FAM20C: variants seen among roughly 807,000 people sequenced by gnomAD.
FAM20C encodes the protein FAM20C golgi associated secretory pathway kinase.
FAM20C carries 40 observed loss-of-function variants against 51.5 expected under a neutral mutation model. The ratio of observed to expected loss-of-function variants is 0.78; its 90% confidence interval spans 0.60 to 1.01. The LOEUF (loss-of-function observed/expected upper bound fraction) is 1.01, where lower values mean the gene tolerates loss of function less well. Among genes scored for constraint, FAM20C ranks in the 50% least tolerant of loss-of-function variants. The pLI is 0.00. For synonymous variants in FAM20C, 406 were observed against 380.6 expected, an observed-to-expected ratio of 1.07 and a Z score of -0.78; for missense variants, 861 against 844.7, an observed-to-expected ratio of 1.02 and a Z score of -0.24.
At chr7:248,677 C>T (rs950607181) in intron 5 of FAM20C, among the ~76,000 whole-genome samples, 2 of 145,492 alleles carry the variant, frequency 1.4e-5, no homozygotes, top group Admixed American at 6.8e-5. Flanking sequence ...CCACATTCAC[C>T]TCTCCAGGTA....
intron 3 of FAM20C, among the ~76,000 whole-genome samples, chr7:214,443 G>A (rs1181482742): frequency 6.6e-6 from 1 of 152,216 alleles, no homozygotes; most frequent in East Asian, 1.9e-4. Flanking sequence ...TTATTCTCGT[G>A]CTTTTGGTGT....
intron 5 of FAM20C, among the ~76,000 whole-genome samples, chr7:251,937 C>T (rs539605873): frequency 1.6e-3 from 243 of 152,314 alleles, no homozygotes; most frequent in Middle Eastern, 3.4e-3. Flanking sequence ...CGCCCCTGAA[C>T]GCAGCCCCTG....
chr7:258,119 G>A (rs563128556), intron 8 of FAM20C, among the ~76,000 whole-genome samples: 4 of 144,820 alleles, frequency 2.8e-5, no homozygotes, highest in Admixed American at 6.8e-5. Context: ...GGGTGTTGGA[G>A]ATAGGCGGGG....
At chr7:228,960 G>T (rs1471217274) in intron 3 of FAM20C, 3 of 393,006 alleles carry the variant, frequency 7.6e-6, no homozygotes, top group Admixed American at 5.5e-5. Context: ...CATGGATGGG[G>T]ATCACAGCCA....
At chr7:230,380 G>GT (rs1562385472) in intron 3 of FAM20C, among the ~76,000 whole-genome samples, 4 of 110,516 alleles carry the variant, frequency 3.6e-5, no homozygotes, top group South Asian at 4.2e-4. Context: ...GGTGGGGGGG[G>GT]GGGGGAACAG....
At chr7:249,467 G>A (rs1358553967) in intron 5 of FAM20C, among the ~76,000 whole-genome samples, 9 of 152,240 alleles carry the variant, frequency 5.9e-5, no homozygotes, top group East Asian at 1.9e-4. Flanking sequence ...TGGGCTGGGC[G>A]TGGTGGCTCA....
chr7:220,391 G>A (rs1229449479), intron 3 of FAM20C, among the ~76,000 whole-genome samples: 1 of 151,418 alleles, frequency 6.6e-6, no homozygotes, highest in Non-Finnish European at 1.5e-5. Flanking sequence ...CCCACCTCAA[G>A]TGGAGCTTAA....
At chr7:237,563 A>G (rs1562388951) in intron 3 of FAM20C, among the ~76,000 whole-genome samples, 2 of 152,164 alleles carry the variant, frequency 1.3e-5, no homozygotes, top group East Asian at 1.9e-4. Context: ...GGTGATGACC[A>G]TGGTAGGAGT....
intron 3 of FAM20C, among the ~76,000 whole-genome samples, chr7:241,875 GTA>G (rs1461814965): frequency 5.3e-5 from 8 of 152,148 alleles, no homozygotes; most frequent in East Asian, 3.9e-4. Flanking sequence ...GCATGAGTGG[GTA>G]TGTGTGTGTG....
intron 5 of FAM20C, among the ~76,000 whole-genome samples, chr7:251,231 G>T (rs1002956910): frequency 1.2e-4 from 16 of 130,960 alleles, no homozygotes; most frequent in Admixed American, 7.0e-4. Context: ...GGGCACGGCG[G>T]CTCACGCCTG....
At chr7:232,770 G>A (rs1024043291) in intron 3 of FAM20C, among the ~76,000 whole-genome samples, 35,629 of 152,218 alleles carry the variant, frequency 0.23, 4,340 homozygotes, top group Admixed American at 0.3. Flanking sequence ...CCGGCCCCTC[G>A]GCCGTGCCGG....
At chr7:204,101 C>T (rs902400849) in intron 2 of FAM20C, among the ~76,000 whole-genome samples, 1 of 152,222 alleles carries the variant, frequency 6.6e-6, no homozygotes, top group African/African-American at 2.4e-5. Context: ...GGCGCCCATC[C>T]GTGCATCCCA....
At chr7:211,875 A>T (rs1786735177) in intron 3 of FAM20C, among the ~76,000 whole-genome samples, 1 of 152,182 alleles carries the variant, frequency 6.6e-6, no homozygotes, top group South Asian at 2.1e-4. Context: ...CCCACACCTC[A>T]GGCGGGCGGG....
At chr7:256,960 G>A in intron 7 of FAM20C, 45 bp from the exon 8 acceptor site, 1 of 1,532,040 alleles carries the variant, frequency 6.5e-7, no homozygotes, top group Non-Finnish European at 8.8e-7. Context: ...GAGCTACGTG[G>A]CCCGGCTCCC....
chr7:233,502 G>A (rs1787760980), intron 3 of FAM20C, among the ~76,000 whole-genome samples: 1 of 152,212 alleles, frequency 6.6e-6, no homozygotes, highest in Non-Finnish European at 1.5e-5. Context: ...AGCCCAGAGT[G>A]CAGGGGTCTA....
Position 193,187 on chromosome 7 carries a change from G to T in FAM20C, c.-13G>T. 1 of 1,450,888 alleles carries T rather than the reference G, an allele frequency of 6.9e-7. No individual in the cohort carries two copies. Among genetic ancestry groups the T allele is most frequent in the Non-Finnish European group, 9.1e-7 (1 of 1,095,874 alleles). The allele number at this position is 1,450,888 out of a possible 1,614,324, so 89.9% of individuals were successfully genotyped here. A position where few individuals can be genotyped will look rare whatever the true frequency, so the allele number is the denominator to read the frequency against. ...GCAGAACGCGCTCCAGGCCCGGGCC[G>T]GCCCGCGCGGCCATGAAGATGATGC... On this transcript the variant is annotated 5_prime_UTR_variant, in exon 1 of 10. Transcript: ENST00000313766.
intron 9 of FAM20C, among the ~76,000 whole-genome samples, chr7:259,355 C>T (rs1407813548): frequency 4.6e-5 from 7 of 152,188 alleles, no homozygotes; most frequent in South Asian, 2.1e-4. Flanking sequence ...CAGACCACGC[C>T]GAAGCAGGTC....
intron 5 of FAM20C, among the ~76,000 whole-genome samples, chr7:250,392 C>T (rs1020745748): frequency 6.6e-6 from 1 of 152,124 alleles, no homozygotes; most frequent in Non-Finnish European, 1.5e-5. Flanking sequence ...GGCTCCCTTC[C>T]CTGGCCCACT....
chr7:256,672 C>T lies in FAM20C; in HGVS notation c.1272C>T (p.Asp424=), dbSNP rs1357627149. 2.6e-6 allele frequency: 4 copies of T among 1,536,094 alleles called. No homozygotes were observed. The highest frequency in any genetic ancestry group is 1.7e-4 in the Middle Eastern group (1 of 5,976). ...RKKAEWEVDP[D]YCEEVKQTPP... is the part of the protein sequence containing the mutation. Reference sequence around the variant, plus strand: ...CCCGCAGGTGGGAGGTGGACCCTGACTACTGCGAGGAGGTGAAGCAGACAC... The same window carrying T: ...CCCGCAGGTGGGAGGTGGACCCTGATTACTGCGAGGAGGTGAAGCAGACAC... Residue 424 remains aspartate (D), a synonymous_variant, in exon 7 of 10, where the codon GAC becomes GAT. Transcript: ENST00000313766.
Sources: allele counts gnomAD v4.1 joint callset (sites outside exome capture counted in the v4.1 genomes callset), GRCh38; gene constraint gnomAD v4.1.1; transcripts MANE v1.5; gene names NCBI Gene and HGNC (gene_info 2026-07-23, HGNC 2026-07-21).